Variants in HNF4G observed in about 807,000 individuals in gnomAD.
The protein encoded by HNF4G is hepatocyte nuclear factor 4 gamma.
Under a neutral mutation model 50.9 loss-of-function variants are expected in HNF4G, and 21 were observed. The ratio of observed to expected loss-of-function variants is 0.41; its 90% confidence interval spans 0.29 to 0.59. HNF4G has a LOEUF of 0.59. Among genes scored for constraint, HNF4G ranks in the 20% least tolerant of loss-of-function variants. HNF4G has a pLI of 0.26. For missense variants in HNF4G, 527 were observed against 559.4 expected, an observed-to-expected ratio of 0.94 and a Z score of 0.58; for synonymous variants, 198 against 185.6, an observed-to-expected ratio of 1.07 and a Z score of -0.54.
intron 5 of HNF4G, among the ~76,000 whole-genome samples, chr8:75,554,340 A>T (rs1807053454): frequency 6.6e-6 from 1 of 152,212 alleles, no homozygotes; most frequent in African/African-American, 2.4e-5. Flanking sequence ...CAGTGATTTA[A>T]AAATTGGGAA....
intron 2 of HNF4G, among the ~76,000 whole-genome samples, chr8:75,510,759 C>T (rs1398676414): frequency 1.3e-5 from 2 of 152,004 alleles, no homozygotes; most frequent in Admixed American, 6.6e-5. Flanking sequence ...ATGAAATTGC[C>T]TAACAATGCA....
intron 1 of HNF4G, among the ~76,000 whole-genome samples, chr8:75,475,288 G>A (rs902391836): frequency 2.0e-5 from 3 of 152,172 alleles, no homozygotes; most frequent in Non-Finnish European, 2.9e-5. Flanking sequence ...GATCACAGGC[G>A]TGAGCCACTG....
At position 75,533,952 on chromosome 8, in the gene HNF4G, T is replaced by C. The variant is rs530957809; in HGVS notation, c.-23-9859T>C. On this transcript the variant is annotated intron_variant, in intron 2 of 10. Coordinates refer to the HNF4G transcript ENST00000354370. ...TCTGGTTTCCAGATGCTAAAGTGTATGTTCATTATAGTACATTATAGTTCA... is the reference window on the plus strand; with the variant it reads ...TCTGGTTTCCAGATGCTAAAGTGTACGTTCATTATAGTACATTATAGTTCA... Among the ~76,000 whole-genome samples, 4 of 152,048 alleles carry C rather than the reference T, an allele frequency of 2.6e-5. No individual in the cohort carries two copies. The East Asian group carries it at 7.7e-4, about 29-fold the overall frequency.
At chr8:75,456,800 G>A (rs997579336) in intron 1 of HNF4G, among the ~76,000 whole-genome samples, 2 of 151,682 alleles carry the variant, frequency 1.3e-5, no homozygotes, top group African/African-American at 4.8e-5. Flanking sequence ...GAGTGCAGTG[G>A]CATGATCATA....
chr8:75,540,709 G>C (rs2130783537), intron 1 of HNF4G, among the ~76,000 whole-genome samples: 1 of 152,128 alleles, frequency 6.6e-6, no homozygotes, highest in African/African-American at 2.4e-5. Context: ...GAGTTTTTTA[G>C]GGGTAGTGTC....
At chr8:75,439,636 A>G (rs1281550582) in intron 1 of HNF4G, among the ~76,000 whole-genome samples, 1 of 152,108 alleles carries the variant, frequency 6.6e-6, no homozygotes, top group Admixed American at 6.5e-5. Context: ...TCTCAATCAC[A>G]TCTTTACTTG....
At chr8:75,547,115 C>T (rs1454465654) in intron 2 of HNF4G, among the ~76,000 whole-genome samples, 1 of 152,096 alleles carries the variant, frequency 6.6e-6, no homozygotes, top group Non-Finnish European at 1.5e-5. Context: ...TCAATGACCT[C>T]TTAATAGATA....
At chr8:75,484,233 C>G (rs980503200) in intron 1 of HNF4G, among the ~76,000 whole-genome samples, 5 of 152,040 alleles carry the variant, frequency 3.3e-5, no homozygotes, top group Admixed American at 3.3e-4. Context: ...AGGAGAATGG[C>G]TAAGTATAGT....
At chr8:75,442,562 G>T (rs572811988) in intron 1 of HNF4G, among the ~76,000 whole-genome samples, 4 of 151,832 alleles carry the variant, frequency 2.6e-5, no homozygotes, top group African/African-American at 9.7e-5. Flanking sequence ...AACAGAGAGA[G>T]ACCTGGTCTC....
intron 3 of HNF4G, among the ~76,000 whole-genome samples, chr8:75,549,604 T>C (rs1012317681): frequency 6.6e-6 from 1 of 151,656 alleles, no homozygotes; most frequent in African/African-American, 2.4e-5. Context: ...TAGTTGTTTT[T>C]TTTTAATTAT....
chr8:75,441,662 GTCCTA>G lies in HNF4G; in HGVS notation c.-144+33502_-144+33506del, dbSNP rs1288631282. ...AGTTCAACATTATCAAACTAGCGAA[GTCCTA>G]TTAAATGATATGAGTTCACTGATTC... On this transcript the variant is annotated intron_variant, in intron 1 of 10. Transcript: ENST00000354370. Among the ~76,000 whole-genome samples, 24 of 152,300 alleles carry G rather than the reference GTCCTA, an allele frequency of 1.6e-4. No individual in the cohort carries two copies. In the East Asian group the frequency reaches 4.6e-3, roughly 29 times the overall value.
intron 1 of HNF4G, among the ~76,000 whole-genome samples, chr8:75,455,236 AAAATGTAG>A (rs2130590765): frequency 6.6e-6 from 1 of 152,320 alleles, no homozygotes. Context: ...TTGTAAAAAC[AAAATGTAG>A]TTCCTGAAAC....
At chr8:75,477,981 G>GA (rs541425030) in intron 1 of HNF4G, among the ~76,000 whole-genome samples, 191 of 149,930 alleles carry the variant, frequency 1.3e-3, no homozygotes, top group Non-Finnish European at 1.0e-3. Flanking sequence ...AAAGAAAAAA[G>GA]AAAAAAAATT....
chr8:75,408,880 C>A (rs1433715164), intron 1 of HNF4G, among the ~76,000 whole-genome samples: 1 of 152,194 alleles, frequency 6.6e-6, no homozygotes, highest in Non-Finnish European at 1.5e-5. Flanking sequence ...ATTGAGAGCA[C>A]CATTTCCTGG....
chr8:75,493,214 T>G (rs2130687153), intron 2 of HNF4G, among the ~76,000 whole-genome samples: 1 of 152,234 alleles, frequency 6.6e-6, no homozygotes, highest in African/African-American at 2.4e-5. Context: ...TTAAACAATT[T>G]TAGAAAAGAC....
At position 75,566,357 on chromosome 8, in the gene HNF4G, A is replaced by T. The variant is rs540597370; in HGVS notation, c.*2261A>T. On this transcript the variant is annotated 3_prime_UTR_variant, in exon 10 of 10. Transcript: ENST00000396423. ...TGTCAGCATGTGAATTTTGGAAAAC[A>T]CAAAAATTCAGAACATAGCAAATAC... 6.6e-6 allele frequency: 1 copy of T among 152,308 alleles called. No individual in the cohort carries two copies. Among genetic ancestry groups the T allele is most frequent in the Non-Finnish European group, 1.5e-5 (1 of 68,022 alleles). 9.4% of individuals were successfully genotyped at this position (152,308 alleles called of 1,614,324 possible).
intron 5 of HNF4G, among the ~76,000 whole-genome samples, chr8:75,554,581 A>C (rs1038189881): frequency 3.0e-4 from 45 of 152,196 alleles, no homozygotes; most frequent in Admixed American, 2.9e-3. Context: ...ACTGAACCCT[A>C]GATCAGTAAA....
chr8:75,449,345 G>A (rs1451390564), intron 1 of HNF4G, among the ~76,000 whole-genome samples: 1 of 151,908 alleles, frequency 6.6e-6, no homozygotes, highest in African/African-American at 2.4e-5. Context: ...TAAACAAATG[G>A]TTATACCTAT....
At chr8:75,413,174 A>C (rs1162067621) in intron 1 of HNF4G, among the ~76,000 whole-genome samples, 1 of 151,828 alleles carries the variant, frequency 6.6e-6, no homozygotes, top group Non-Finnish European at 1.5e-5. Context: ...CAATGTCTGC[A>C]AGGCACCGGG....
Sources: allele counts gnomAD v4.1 joint callset (sites outside exome capture counted in the v4.1 genomes callset), GRCh38; gene constraint gnomAD v4.1.1; transcripts MANE v1.5; gene names NCBI Gene and HGNC (gene_info 2026-07-23, HGNC 2026-07-21).